Variants in NAV1 observed in about 807,000 individuals in gnomAD.
NAV1 encodes neuron navigator 1.
A neutral mutation model predicts 175.2 loss-of-function variants in NAV1; 18 were observed. The ratio of observed to expected loss-of-function variants is 0.10; its 90% CI spans 0.07 to 0.15. The LOEUF (loss-of-function observed/expected upper bound fraction) is 0.15. Ranked by LOEUF, NAV1 falls within the 10% of genes least tolerant of loss-of-function variation. The pLI is 1.00. For missense variants in NAV1, 1,731 were observed against 2,436.6 expected, an observed-to-expected ratio of 0.71 and a Z score of 6.10; for synonymous variants, 897 against 978.7, an observed-to-expected ratio of 0.92 and a Z score of 1.56.
chr1:201,772,788 C>A (rs998444473), intron 3 of NAV1, among the ~76,000 whole-genome samples: 2 of 152,092 alleles, frequency 1.3e-5, no homozygotes, highest in Non-Finnish European at 2.9e-5. Flanking sequence ...AATCCCAGCA[C>A]TTTGGGAGGC....
At chr1:201,739,911 C>T (rs2102549896) in intron 3 of NAV1, 1 of 1,300,464 alleles carries the variant, frequency 7.7e-7, no homozygotes, top group South Asian at 2.5e-5. Context: ...GGTTTCCGAC[C>T]CTCCGCGTGG....
intron 11 of NAV1, 101 bp from the exon 16 acceptor site, chr1:201,790,453 T>C: frequency 7.4e-7 from 1 of 1,350,810 alleles, no homozygotes; most frequent in Non-Finnish European, 1.1e-6. Flanking sequence ...GAGTCATGCT[T>C]CTTCACATTT....
chr1:201,681,207 T>G (rs1260606735), intron 1 of NAV1, among the ~76,000 whole-genome samples: 2 of 152,108 alleles, frequency 1.3e-5, no homozygotes, highest in African/African-American at 4.8e-5. Flanking sequence ...CAATTGCACT[T>G]TCTCACCTTT....
At chr1:201,710,262 A>G (rs757803467) in intron 1 of NAV1, among the ~76,000 whole-genome samples, 5 of 148,868 alleles carry the variant, frequency 3.4e-5, no homozygotes, top group African/African-American at 4.9e-5. Flanking sequence ...GGTAGCATCC[A>G]TTCTTGAAAT....
intron 2 of NAV1, among the ~76,000 whole-genome samples, chr1:201,632,838 T>A (rs1236464910): frequency 6.6e-6 from 1 of 152,246 alleles, no homozygotes; most frequent in Non-Finnish European, 1.5e-5. Flanking sequence ...TTCTCCCTTG[T>A]TGAGCTGGCT....
chr1:201,707,438 T>C (rs1380935229), intron 1 of NAV1, among the ~76,000 whole-genome samples: 5 of 152,246 alleles, frequency 3.3e-5, no homozygotes, highest in African/African-American at 1.2e-4. Context: ...GTGGGTATCA[T>C]GCCCATTTCC....
chr1:201,821,250 A>C (rs1679360984), exon 30 of NAV1: 1 of 152,570 alleles, frequency 6.6e-6, no homozygotes. Context: ...CTGAATCCAA[A>C]TATCCTAGCT....
intron 1 of NAV1, among the ~76,000 whole-genome samples, chr1:201,581,238 CAGT>C (rs1666850219): frequency 6.6e-6 from 1 of 152,036 alleles, no homozygotes; most frequent in African/African-American, 2.4e-5. Flanking sequence ...TGAACACAGG[CAGT>C]GGTGGTGGAG....
chr1:201,607,050 T>C (rs1284400708), intron 2 of NAV1, among the ~76,000 whole-genome samples: 1 of 152,112 alleles, frequency 6.6e-6, no homozygotes, highest in Non-Finnish European at 1.5e-5. Flanking sequence ...CTGTTATACA[T>C]AATAGTGGAA....
intron 17 of NAV1, 82 bp downstream of exon 21, chr1:201,804,579 TAAAAAAAAAA>T (rs377039916): frequency 2.8e-6 from 1 of 356,616 alleles, no homozygotes; most frequent in Non-Finnish European, 4.8e-6. Flanking sequence ...TCCCTTCCCC[TAAAAAAAAAA>T]AAAAAAAAAA....
chr1:201,784,046 C>G (rs1010542359), intron 7 of NAV1, among the ~76,000 whole-genome samples, 194 bp downstream of exon 11: 1 of 152,122 alleles, frequency 6.6e-6, no homozygotes, highest in Non-Finnish European at 1.5e-5. Flanking sequence ...AATTATTATT[C>G]TTATATTAAA....
exon 5 of NAV1, chr1:201,781,240 G>A: frequency 6.2e-7 from 1 of 1,613,932 alleles, no homozygotes; most frequent in Non-Finnish European, 8.5e-7. Flanking sequence ...CCTGAAGAAG[G>A]GCAAGACCCC....
intron 3 of NAV1, among the ~76,000 whole-genome samples, chr1:201,720,153 G>A (rs1229768983): frequency 6.6e-6 from 1 of 152,190 alleles, no homozygotes; most frequent in African/African-American, 2.4e-5. Context: ...GCCTGTGCTG[G>A]GCAGGAAGGA....
At chr1:201,573,866 G>C (rs1246668979) in intron 1 of NAV1, among the ~76,000 whole-genome samples, 1 of 152,016 alleles carries the variant, frequency 6.6e-6, no homozygotes, top group African/African-American at 2.4e-5. Flanking sequence ...TCCCAACCTG[G>C]GCAACATAGA....
chr1:201,694,110 G>A lies in NAV1; in HGVS notation c.758-18707G>A, dbSNP rs1421305764. On this transcript the variant is annotated intron_variant, in intron 1 of 29. Coordinates refer to ENST00000367296, the Ensembl canonical transcript of NAV1. The surrounding 1 kb of genome is among the most constrained non-coding windows in gnomAD (Gnocchi z 4.2). ...AAGACTCTGCTCACGCCTGTCCCCAGGAGCAAAGCCTTGGCCCGCTGTTCC... is the reference window on the plus strand; with the variant it reads ...AAGACTCTGCTCACGCCTGTCCCCAAGAGCAAAGCCTTGGCCCGCTGTTCC... Among the ~76,000 whole-genome samples, 1 of 152,238 alleles carries A rather than the reference G, an allele frequency of 6.6e-6. No individual in the cohort carries two copies. Among genetic ancestry groups the A allele is most frequent in the Non-Finnish European group, 1.5e-5 (1 of 68,040 alleles).
At chr1:201,639,930 C>T (rs1246453455) in intron 2 of NAV1, among the ~76,000 whole-genome samples, 1 of 152,148 alleles carries the variant, frequency 6.6e-6, no homozygotes, top group African/African-American at 2.4e-5. Context: ...CAGGCTCATC[C>T]CTGCTCTATC....
chr1:201,553,133 A>G (rs941291355), intron 1 of NAV1, among the ~76,000 whole-genome samples: 1 of 152,242 alleles, frequency 6.6e-6, no homozygotes. Context: ...GGCAAAATAT[A>G]TGGTAAGGTG....
chr1:201,625,006 G>A (rs113574846), intron 1 of NAV1, among the ~76,000 whole-genome samples: 4 of 152,252 alleles, frequency 2.6e-5, no homozygotes, highest in African/African-American at 9.6e-5. Flanking sequence ...ACAGGACTAG[G>A]CCTTTGGAGT....
At chr1:201,793,346 C>T in intron 13 of NAV1, 2 of 154,920 alleles carry the variant, frequency 1.3e-5, no homozygotes, top group Non-Finnish European at 2.9e-5. Flanking sequence ...AAGAAACGCA[C>T]CAAATAGTTT....
Sources: gnomAD v4.1 joint callset for allele counts (sites outside exome capture counted in the v4.1 genomes callset) on GRCh38, gnomAD v4.1.1 for gene constraint, Gnocchi (gnomAD v3.1) non-coding constraint, MANE v1.5 for transcripts, NCBI Gene and HGNC (gene_info 2026-07-23, HGNC 2026-07-21) for gene names.